NMT1: variants seen among roughly 807,000 people sequenced by gnomAD.
NMT1 encodes the protein glycylpeptide N-tetradecanoyltransferase 1.
A neutral mutation model predicts 63.4 loss-of-function variants in NMT1; 12 were observed. That is an observed-to-expected ratio of 0.19 (90% CI 0.12 to 0.31). NMT1 has a LOEUF of 0.31. NMT1 is among the 10% of genes least tolerant of loss of function. The probability of loss-of-function intolerance (pLI) is 1.00; values close to 1 mark genes in which losing one functional copy is unlikely to be tolerated. For missense variants in NMT1, 432 were observed against 634.6 expected, an observed-to-expected ratio of 0.68 and a Z score of 3.43; for synonymous variants, 228 against 234.3, an observed-to-expected ratio of 0.97 and a Z score of 0.25.
chr17:45,103,229 C>G lies in NMT1; in HGVS notation c.1164+108C>G. 1 of 1,082,512 alleles carries G rather than the reference C, an allele frequency of 9.2e-7. No individual in the cohort carries two copies. Among genetic ancestry groups the G allele is most frequent in the South Asian group, 1.5e-5 (1 of 65,426 alleles). 67.1% of individuals were successfully genotyped at this position (1,082,512 alleles called of 1,614,324 possible). A position where few individuals can be genotyped will look rare whatever the true frequency, so the allele number is the denominator to read the frequency against. ...GTGTTGGCACCTTAGACTTCCTTGA[C>G]CATCCGTGTTTGGTCCTCCCTAAAA... On this transcript the variant is annotated intron_variant, in intron 9 of 11. Transcript: ENST00000258960. The surrounding 1 kb of genome is among the most constrained non-coding windows in gnomAD (Gnocchi z 4.8).
At chr17:45,102,664 G>C (rs758140117) in intron 8 of NMT1, among the ~76,000 whole-genome samples, 10 of 152,260 alleles carry the variant, frequency 6.6e-5, no homozygotes, top group Non-Finnish European at 1.2e-4. Flanking sequence ...TCTGGGGTGG[G>C]GAGTTTGAAA....
chr17:45,069,273 A>ATTTATTTATTTATTTATTTATTTAT (rs370339622), intron 1 of NMT1, among the ~76,000 whole-genome samples: 1 of 137,586 alleles, frequency 7.3e-6, no homozygotes, highest in Non-Finnish European at 1.5e-5. Flanking sequence ...TTTATTTTTT[A>ATTTATTTATTTATTTATTTATTTAT]TTATTTATTT....
chr17:45,092,469 G>A (rs906411440), intron 3 of NMT1, among the ~76,000 whole-genome samples: 1 of 151,762 alleles, frequency 6.6e-6, no homozygotes, highest in African/African-American at 2.4e-5. Context: ...AGGCCGAGGC[G>A]GGTGGATCAC....
chr17:45,097,059 C>A, intron 5 of NMT1, 69 bp from the exon 6 acceptor site: 1 of 1,306,676 alleles, frequency 7.7e-7, no homozygotes, highest in Non-Finnish European at 1.1e-6. Flanking sequence ...CCAAATTTGG[C>A]TGTGGAGCCC....
intron 1 of NMT1, among the ~76,000 whole-genome samples, chr17:45,068,929 C>T (rs949945805): frequency 2.0e-5 from 3 of 151,050 alleles, no homozygotes; most frequent in Non-Finnish European, 1.5e-5. Flanking sequence ...TTATTACAGG[C>T]GTGAGCCACC....
intron 1 of NMT1, among the ~76,000 whole-genome samples, chr17:45,066,077 T>C (rs761506332): frequency 1.5e-4 from 23 of 151,966 alleles, no homozygotes; most frequent in African/African-American, 5.1e-4. Context: ...GCTAAATTCA[T>C]GTACTGGATT....
At chr17:45,101,104 A>C (rs1258594481) in intron 8 of NMT1, among the ~76,000 whole-genome samples, 1 of 151,040 alleles carries the variant, frequency 6.6e-6, no homozygotes, top group East Asian at 2.0e-4. Flanking sequence ...GAATGGCGTG[A>C]ACCCGGGAGG....
intron 1 of NMT1, among the ~76,000 whole-genome samples, chr17:45,063,108 G>A (rs1228147847): frequency 6.7e-6 from 1 of 149,362 alleles, no homozygotes; most frequent in Non-Finnish European, 1.5e-5. Flanking sequence ...GGGAGGCTAA[G>A]GCAGGAGAAT....
rs2054194089 is a variant in NMT1 at position 45,105,090 on chromosome 17, T to A, written c.1470+94T>A. ...CCATGGGTTGAGGAGACAGCCGCAG[T>A]CTGGGTCCTTGTTACCTCGAGTTGA... On this transcript the variant is annotated intron_variant, in intron 11 of 11. Coordinates refer to ENST00000258960, the MANE Select transcript of NMT1 (RefSeq NM_021079.5). The surrounding 1 kb of genome is among the most constrained non-coding windows in gnomAD (Gnocchi z 4.2). 1 of 1,520,718 alleles carries A rather than the reference T, an allele frequency of 6.6e-7. No individual in the cohort carries two copies. Among genetic ancestry groups the A allele is most frequent in the South Asian group, 1.2e-5 (1 of 85,852 alleles). The allele number at this position is 1,520,718 out of a possible 1,614,324, so 94.2% of individuals were successfully genotyped here.
chr17:45,096,996 C>T, intron 5 of NMT1, 132 bp from the exon 6 acceptor site: 1 of 708,272 alleles, frequency 1.4e-6, no homozygotes, highest in Non-Finnish European at 2.6e-6. Context: ...GGGCTTGGCC[C>T]TAAAGAGAAT....
At chr17:45,083,203 C>T (rs148148788) in intron 2 of NMT1, among the ~76,000 whole-genome samples, 2,387 of 151,702 alleles carry the variant, frequency 0.016, 53 homozygotes, top group South Asian at 0.07. Flanking sequence ...CCTGTAATCT[C>T]AGCTACTCAG....
chr17:45,067,723 G>A (rs1194032945), intron 1 of NMT1, among the ~76,000 whole-genome samples: 1 of 152,150 alleles, frequency 6.6e-6, no homozygotes, highest in Non-Finnish European at 1.5e-5. Context: ...AGAATGGAAA[G>A]AGAAACCTCA....
Position 45,105,144 on chromosome 17 carries a change from C to A in NMT1, c.1470+148C>A. 1.9e-6 allele frequency: 2 copies of A among 1,031,136 alleles called. No homozygotes were observed. Among genetic ancestry groups the A allele is most frequent in the Non-Finnish European group, 2.8e-6 (2 of 711,420 alleles). The allele number at this position is 1,031,136 out of a possible 1,614,324, so 63.9% of individuals were successfully genotyped here. On this transcript the variant is annotated intron_variant, in intron 11 of 11. Transcript: ENST00000258960. This position sits in a 1 kb window ranked among gnomAD's most constrained non-coding sequence, Gnocchi z 4.2. ...TTTGAAAATGCCCTCCCTCTGCTGG[C>A]CAGACCAGCAGGTCAGCGTTCCCCT...
intron 1 of NMT1, among the ~76,000 whole-genome samples, chr17:45,076,868 A>C (rs930453054): frequency 6.6e-6 from 1 of 152,206 alleles, no homozygotes; most frequent in African/African-American, 2.4e-5. Flanking sequence ...ATTCAAGCCA[A>C]TATAAAGAAA....
chr17:45,098,311 C>A, intron 6 of NMT1, 71 bp from the exon 7 acceptor site: 1 of 1,457,456 alleles, frequency 6.9e-7, no homozygotes, highest in Non-Finnish European at 9.5e-7. Flanking sequence ...GGTGTGGCTG[C>A]ACGTGCTTGA....
intron 1 of NMT1, among the ~76,000 whole-genome samples, chr17:45,070,332 C>T (rs1014728971): frequency 5.9e-5 from 9 of 151,856 alleles, no homozygotes; most frequent in African/African-American, 2.2e-4. Context: ...CTCACTGCAA[C>T]CTCTGCCTCC....
At chr17:45,085,589 G>GT (rs61506191) in intron 2 of NMT1, among the ~76,000 whole-genome samples, 152,324 of 152,324 alleles carry the variant, frequency 1, 76,162 homozygotes, top group Non-Finnish European at 1. Context: ...GGATGGGATT[G>GT]TGGGTGTTTA....
At chr17:45,068,845 C>T (rs796468891) in intron 1 of NMT1, among the ~76,000 whole-genome samples, 7 of 152,282 alleles carry the variant, frequency 4.6e-5, no homozygotes, top group African/African-American at 1.7e-4. Flanking sequence ...CACGGTTTTG[C>T]CATGTTGGTC....
Position 45,104,082 on chromosome 17 carries a change from ACTC to A in NMT1, c.1332+212_1332+214del, listed in dbSNP as rs774112153. ...GGAGCATCCGAAGTGAAGGCATTGA[ACTC>A]CTCCTGATTCATTTCAGTGAGTTTC... is the stretch of plus-strand genomic sequence containing the variant. On this transcript the variant is annotated intron_variant, in intron 10 of 11. Transcript: ENST00000258960. This position sits in a 1 kb window ranked among gnomAD's most constrained non-coding sequence, Gnocchi z 4.2. The A allele has an allele frequency of 1.1e-5, 17 of 1,489,404 alleles. No individual in the cohort carries two copies. The highest frequency in any genetic ancestry group is 9.8e-5 in the African/African-American group (7 of 71,374). 92.3% of individuals were successfully genotyped at this position (1,489,404 alleles called of 1,614,324 possible).
Sources: allele counts gnomAD v4.1 joint callset (sites outside exome capture counted in the v4.1 genomes callset), GRCh38; gene constraint gnomAD v4.1.1; non-coding constraint Gnocchi (gnomAD v3.1); transcripts MANE v1.5; gene names NCBI Gene and HGNC (gene_info 2026-07-23, HGNC 2026-07-21).